The following ARK2N variants were observed in gnomAD, a reference collection of about 807,000 sequenced individuals.
ARK2N encodes the protein protein ARK2N.
the ARK2N span, chr18:46,264,304 A>G: frequency 2.6e-5 from 4 of 152,618 alleles, no homozygotes; most frequent in African/African-American, 9.7e-5. Flanking sequence ...ATTAGTTACT[A>G]CCTTCTTTCT....
the ARK2N span, among the ~76,000 whole-genome samples, chr18:46,224,840 T>C: frequency 6.6e-6 from 1 of 152,220 alleles, no homozygotes. Flanking sequence ...TAGCAATGCT[T>C]GTGTCATTTT....
chr18:46,208,741 A>G, the ARK2N span, among the ~76,000 whole-genome samples: 1 of 152,156 alleles, frequency 6.6e-6, no homozygotes, highest in Non-Finnish European at 1.5e-5. Flanking sequence ...TGCTGGGATT[A>G]CAGGCGTGAG....
At chr18:46,263,078 T>G in the ARK2N span, 2 of 1,614,052 alleles carry the variant, frequency 1.2e-6, no homozygotes, top group Non-Finnish European at 8.5e-7. Flanking sequence ...GTTGTTGACC[T>G]TACCTTGGAT....
At chr18:46,192,611 G>A in the ARK2N span, among the ~76,000 whole-genome samples, 1 of 147,884 alleles carries the variant, frequency 6.8e-6, no homozygotes, top group Admixed American at 6.8e-5. Context: ...TTGCTCTGTC[G>A]CCCACGCCGG....
At chr18:46,196,452 A>C in the ARK2N span, among the ~76,000 whole-genome samples, 7 of 142,950 alleles carry the variant, frequency 4.9e-5, no homozygotes, top group Non-Finnish European at 6.0e-5. Flanking sequence ...TAGTAGAGAC[A>C]GGGTTTCACC....
At chr18:46,261,666 C>G in the ARK2N span, among the ~76,000 whole-genome samples, 1,516 of 152,288 alleles carry the variant, frequency 1.0e-2, 27 homozygotes, top group African/African-American at 0.034. Flanking sequence ...GTAGTAGCCT[C>G]TGGGTTAGTA....
At chr18:46,256,584 A>C in the ARK2N span, among the ~76,000 whole-genome samples, 1 of 152,218 alleles carries the variant, frequency 6.6e-6, no homozygotes, top group African/African-American at 2.4e-5. Flanking sequence ...ATTATTTTCA[A>C]GGATTTTTTC....
chr18:46,216,718 A>G, the ARK2N span: 4 of 870,062 alleles, frequency 4.6e-6, no homozygotes, highest in South Asian at 7.4e-5. The surrounding 1 kb of genome is among the most constrained non-coding windows in gnomAD (Gnocchi z 4.3). Flanking sequence ...AAATTTGAAG[A>G]CTGCAGTCTA....
chr18:46,263,514 C>A, the ARK2N span: 1 of 168,982 alleles, frequency 5.9e-6, no homozygotes, highest in Non-Finnish European at 1.3e-5. Context: ...CTAGACTTGA[C>A]CACTATCTGC....
chr18:46,204,345 G>A, the ARK2N span, among the ~76,000 whole-genome samples: 2 of 150,344 alleles, frequency 1.3e-5, no homozygotes, highest in African/African-American at 5.0e-5. Flanking sequence ...AGGATCACCT[G>A]TTAGGCTTTC....
At chr18:46,184,699 G>A in the ARK2N span, among the ~76,000 whole-genome samples, 1 of 152,254 alleles carries the variant, frequency 6.6e-6, no homozygotes, top group East Asian at 1.9e-4. Flanking sequence ...TCCAGCCTGG[G>A]TGATAGAAGT....
chr18:46,210,648 AC>A, the ARK2N span, among the ~76,000 whole-genome samples: 2 of 152,090 alleles, frequency 1.3e-5, no homozygotes, highest in African/African-American at 4.8e-5. Flanking sequence ...TGTGGCTCAC[AC>A]CTGTAATCCT....
At chr18:46,221,271 T>C in the ARK2N span, among the ~76,000 whole-genome samples, 1 of 151,790 alleles carries the variant, frequency 6.6e-6, no homozygotes, top group Non-Finnish European at 1.5e-5. Flanking sequence ...ATCTTGCTGG[T>C]GTGGTGTCTC....
At chr18:46,184,989 T>C in the ARK2N span, among the ~76,000 whole-genome samples, 3 of 152,234 alleles carry the variant, frequency 2.0e-5, no homozygotes, top group Non-Finnish European at 1.5e-5. Flanking sequence ...TATTAGCAGT[T>C]GAGTCAGTTT....
the ARK2N span, among the ~76,000 whole-genome samples, chr18:46,235,029 G>A: frequency 1.3e-3 from 199 of 152,288 alleles, no homozygotes; most frequent in African/African-American, 4.6e-3. Flanking sequence ...AATAGAAAGG[G>A]AGGGGGGAAT....
the ARK2N span, among the ~76,000 whole-genome samples, chr18:46,209,290 CTT>C: frequency 0.029 from 3,996 of 138,586 alleles, 184 homozygotes; most frequent in African/African-American, 0.099. Flanking sequence ...TACTTCTCCA[CTT>C]TTTTTTTTTT....
chr18:46,176,771 C>G, the ARK2N span, among the ~76,000 whole-genome samples: 1 of 152,186 alleles, frequency 6.6e-6, no homozygotes, highest in Non-Finnish European at 1.5e-5. Flanking sequence ...GCATGTGCCA[C>G]CACGCCTGGC....
chr18:46,190,931 G>T, the ARK2N span, among the ~76,000 whole-genome samples: 5 of 151,944 alleles, frequency 3.3e-5, no homozygotes, highest in African/African-American at 1.2e-4. Context: ...ATCATCTGTG[G>T]TTTTTTTTAA....
At chr18:46,212,990 A>ATT in the ARK2N span, among the ~76,000 whole-genome samples, 2,616 of 80,574 alleles carry the variant, frequency 0.032, 376 homozygotes, top group Non-Finnish European at 0.044. Flanking sequence ...TTTAAGAAGA[A>ATT]TTTTTTTTTT....
Sources: gnomAD v4.1 joint callset for allele counts (sites outside exome capture counted in the v4.1 genomes callset) on GRCh38, gnomAD v4.1.1 for gene constraint, Gnocchi (gnomAD v3.1) non-coding constraint, MANE v1.5 for transcripts, NCBI Gene and HGNC (gene_info 2026-07-23, HGNC 2026-07-21) for gene names.